The following SLC12A1 variants were observed in gnomAD, a reference collection of about 807,000 sequenced individuals.
The protein encoded by SLC12A1 is Na-K-2Cl cotransporter.
In SLC12A1, 89 loss-of-function variants were observed where a neutral mutation model predicts 130.4. The ratio of observed to expected loss-of-function variants is 0.68; its 90% CI spans 0.58 to 0.81. The LOEUF (loss-of-function observed/expected upper bound fraction) is 0.81. Ranked by LOEUF, SLC12A1 falls within the 40% of genes least tolerant of loss-of-function variation. The probability of loss-of-function intolerance (pLI) is 0.00; values close to 1 mark genes in which losing one functional copy is unlikely to be tolerated. For synonymous variants in SLC12A1, 499 were observed against 460.0 expected, an observed-to-expected ratio of 1.08 and a Z score of -1.09; for missense variants, 1,310 against 1,336.4, an observed-to-expected ratio of 0.98 and a Z score of 0.31.
intron 2 of SLC12A1, among the ~76,000 whole-genome samples, chr15:48,218,674 G>T (rs1015598562): frequency 6.6e-6 from 1 of 152,096 alleles, no homozygotes; most frequent in Non-Finnish European, 1.5e-5. Context: ...ATCATCCTAG[G>T]CTTAAACCAG....
chr15:48,298,880 G>A (rs144082322), intron 24 of SLC12A1, among the ~76,000 whole-genome samples: 98 of 152,340 alleles, frequency 6.4e-4, no homozygotes, highest in African/African-American at 2.2e-3. Flanking sequence ...GTATGTATGC[G>A]TATGTGTGTT....
Position 48,285,200 on chromosome 15 carries a change from G to A in SLC12A1, c.2580G>A (p.Leu860=). The A allele has an allele frequency of 1.2e-6, 2 of 1,613,868 alleles. No individual in the cohort carries two copies. The highest frequency in any genetic ancestry group is 1.7e-6 in the Non-Finnish European group (2 of 1,179,822). ...CEEESGGIRG[L]FKKAGKLNIT... ...AGGAAAGTGGAGGCATCCGAGGCTT[G>A]TTTAAAAAAGCTGGCAAGTTGAACA... Residue 860 remains leucine, a synonymous_variant, in exon 21 of 27, where the codon TTG becomes TTA. Coordinates refer to ENST00000380993, the MANE Select transcript of SLC12A1 (RefSeq NM_000338.3).
chr15:48,245,706 T>C lies in SLC12A1; in HGVS notation c.1452+802T>C, dbSNP rs561691176. On this transcript the variant is annotated intron_variant, in intron 11 of 26. Transcript: ENST00000380993. ...TAGATTGATTCCATGTCTTTGCTAT[T>C]GTGAATAGTGCTGCAATAGACATAC... is the stretch of plus-strand genomic sequence containing the variant. Among the ~76,000 whole-genome samples, 5 of 152,366 alleles carry C rather than the reference T, an allele frequency of 3.3e-5. No homozygotes were observed. The South Asian group carries it at 8.3e-4, about 25-fold the overall frequency.
At chr15:48,269,799 T>C (rs1349303686) in intron 19 of SLC12A1, 35 bp downstream of exon 19, 1 of 1,189,258 alleles carries the variant, frequency 8.4e-7, no homozygotes, top group Non-Finnish European at 1.3e-6. Flanking sequence ...TTCTTGTTTA[T>C]AAAGCACTAA....
intron 20 of SLC12A1, among the ~76,000 whole-genome samples, chr15:48,283,878 G>A (rs1355218324): frequency 6.7e-6 from 1 of 149,782 alleles, no homozygotes; most frequent in African/African-American, 2.5e-5. Context: ...TAAGCAAGAA[G>A]CAAGAAGCCT....
At chr15:48,208,310 C>T (rs931295474) in intron 2 of SLC12A1, among the ~76,000 whole-genome samples, 171 bp downstream of exon 2, 8 of 152,062 alleles carry the variant, frequency 5.3e-5, no homozygotes, top group Admixed American at 1.3e-4. Context: ...AAGTGTTTCA[C>T]AGATGCTTTT....
Position 48,249,569 on chromosome 15 carries a change from T to G in SLC12A1, c.1685-6T>G. 6.2e-7 allele frequency: 1 copy of G among 1,610,534 alleles called. No individual in the cohort carries two copies. Among genetic ancestry groups the G allele is most frequent in the Non-Finnish European group, 8.5e-7 (1 of 1,176,744 alleles). ...ACGTACATGTTCAATTCTGTTACTT[T>G]TACAGCGGAACTGAACACCATTGCT... On this transcript the variant is annotated splice_region_variant and splice_polypyrimidine_tract_variant and intron_variant, in intron 13 of 26. Transcript: ENST00000380993.
At chr15:48,275,035 C>G (rs1227332506) in intron 20 of SLC12A1, among the ~76,000 whole-genome samples, 1 of 152,158 alleles carries the variant, frequency 6.6e-6, no homozygotes, top group African/African-American at 2.4e-5. Context: ...TTTTGAGAGT[C>G]TATGAACTGG....
At chr15:48,281,096 A>G (rs561033089) in intron 20 of SLC12A1, among the ~76,000 whole-genome samples, 1 of 152,344 alleles carries the variant, frequency 6.6e-6, no homozygotes, top group South Asian at 2.1e-4. Context: ...AGCGTTTGGA[A>G]TAGACAGACC....
intron 24 of SLC12A1, among the ~76,000 whole-genome samples, chr15:48,297,709 T>G (rs1721199970): frequency 6.6e-6 from 1 of 152,182 alleles, no homozygotes; most frequent in Non-Finnish European, 1.5e-5. Context: ...TGCATGCTTT[T>G]CAGAGCACTG....
chr15:48,269,422 A>G (rs2041868430), intron 18 of SLC12A1, among the ~76,000 whole-genome samples: 1 of 152,210 alleles, frequency 6.6e-6, no homozygotes, highest in African/African-American at 2.4e-5. Flanking sequence ...AATGACTGCT[A>G]ATTTAGAAAA....
intron 19 of SLC12A1, among the ~76,000 whole-genome samples, chr15:48,273,383 T>C (rs2041918774): frequency 6.6e-6 from 1 of 152,208 alleles, no homozygotes; most frequent in Non-Finnish European, 1.5e-5. Context: ...TGATTACTCT[T>C]GTCCCATCCA....
intron 2 of SLC12A1, among the ~76,000 whole-genome samples, chr15:48,220,168 TAGATAGATA>T (rs1373811393): frequency 4.1e-5 from 6 of 147,964 alleles, no homozygotes; most frequent in African/African-American, 1.5e-4. Flanking sequence ...GATAGATAGA[TAGATAGATA>T]GATAGATAAA....
At chr15:48,250,707 C>CACACACACACAT (rs1555383567) in intron 14 of SLC12A1, among the ~76,000 whole-genome samples, 12 of 151,058 alleles carry the variant, frequency 7.9e-5, no homozygotes, top group African/African-American at 2.9e-4. Flanking sequence ...CACACACACA[C>CACACACACACAT]GGACGGGAAG....
chr15:48,217,214 T>C (rs1440278949), intron 2 of SLC12A1, among the ~76,000 whole-genome samples: 2 of 152,206 alleles, frequency 1.3e-5, no homozygotes, highest in East Asian at 1.9e-4. Flanking sequence ...ATACTTATAT[T>C]GCAAATATTA....
At chr15:48,280,242 A>G (rs1385214) in intron 20 of SLC12A1, among the ~76,000 whole-genome samples, 150,571 of 152,074 alleles carry the variant, frequency 0.99, 74,564 homozygotes, top group Middle Eastern at 1. Flanking sequence ...TCAAAAAATA[A>G]TCACTCCAAC....
intron 17 of SLC12A1, 89 bp downstream of exon 17, chr15:48,259,400 CA>C: frequency 1.1e-6 from 1 of 909,474 alleles, no homozygotes; most frequent in South Asian, 1.3e-5. Flanking sequence ...CATGCAGTGA[CA>C]GGAAAATAGC....
chr15:48,250,602 GGAGA>G (rs1157265179), intron 14 of SLC12A1, among the ~76,000 whole-genome samples: 2 of 148,944 alleles, frequency 1.3e-5, no homozygotes, highest in African/African-American at 5.0e-5. Flanking sequence ...CGGGAAAGAA[GGAGA>G]GAGACAGGAA....
At chr15:48,274,844 C>T (rs2041934561) in intron 20 of SLC12A1, among the ~76,000 whole-genome samples, 191 bp downstream of exon 20, 1 of 152,178 alleles carries the variant, frequency 6.6e-6, no homozygotes. Flanking sequence ...AGCCTTTGCC[C>T]TGCTAACCAG....
Sources: gnomAD v4.1 joint callset for allele counts (sites outside exome capture counted in the v4.1 genomes callset) on GRCh38, gnomAD v4.1.1 for gene constraint, MANE v1.5 for transcripts, NCBI Gene and HGNC (gene_info 2026-07-23, HGNC 2026-07-21) for gene names.